Variants in FILIP1L observed in about 807,000 individuals in gnomAD.
FILIP1L encodes the protein filamin A-interacting protein 1-like.
A neutral mutation model predicts 96.6 loss-of-function variants in FILIP1L; 55 were observed. The observed-to-expected ratio is 0.57, with a 90% CI of 0.46 to 0.71. The LOEUF (loss-of-function observed/expected upper bound fraction) is 0.71. Among genes scored for constraint, FILIP1L ranks in the 30% least tolerant of loss-of-function variants. The pLI is 0.00. For synonymous variants in FILIP1L, 467 were observed against 473.9 expected, an observed-to-expected ratio of 0.99 and a Z score of 0.19; for missense variants, 1,304 against 1,321.2, an observed-to-expected ratio of 0.99 and a Z score of 0.20.
chr3:99,954,192 G>T (rs1432643377), intron 1 of FILIP1L, among the ~76,000 whole-genome samples: 1 of 152,226 alleles, frequency 6.6e-6, no homozygotes, highest in Non-Finnish European at 1.5e-5. Context: ...TGAAGATCAG[G>T]AAGCTGAAGT....
intron 1 of FILIP1L, among the ~76,000 whole-genome samples, chr3:99,942,414 T>C (rs1707877021): frequency 6.6e-6 from 1 of 152,228 alleles, no homozygotes; most frequent in Admixed American, 6.5e-5. Context: ...TGAGGATCTC[T>C]GAAGATGGGT....
intron 1 of FILIP1L, among the ~76,000 whole-genome samples, chr3:99,983,494 A>ATATATATATATATATG (rs1709230433): frequency 8.4e-6 from 1 of 119,012 alleles, no homozygotes; most frequent in South Asian, 2.7e-4. Context: ...ATATATATAT[A>ATATATATATATATATG]TATATATATA....
chr3:100,030,269 C>G (rs1302347413), intron 1 of FILIP1L, among the ~76,000 whole-genome samples: 1 of 152,070 alleles, frequency 6.6e-6, no homozygotes, highest in Non-Finnish European at 1.5e-5. Context: ...AGGAAAAGAG[C>G]TGGCTTGGAT....
chr3:100,093,035 G>A (rs1167282791), intron 1 of FILIP1L, among the ~76,000 whole-genome samples: 1 of 151,974 alleles, frequency 6.6e-6, no homozygotes, highest in East Asian at 1.9e-4. Context: ...ATACGTTGAA[G>A]GAGTAGAGGT....
intron 4 of FILIP1L, among the ~76,000 whole-genome samples, chr3:99,879,543 T>C (rs1319748616): frequency 6.6e-6 from 1 of 152,238 alleles, no homozygotes; most frequent in Non-Finnish European, 1.5e-5. Flanking sequence ...CTTTGTTTCT[T>C]CTTTTGACTG....
intron 1 of FILIP1L, among the ~76,000 whole-genome samples, chr3:99,938,421 A>G (rs1325129036): frequency 3.9e-5 from 6 of 152,226 alleles, no homozygotes; most frequent in Admixed American, 3.9e-4. Flanking sequence ...ACTGCATAAC[A>G]CGGAGTGAGT....
chr3:100,105,945 G>A (rs2066387909), intron 1 of FILIP1L, among the ~76,000 whole-genome samples: 1 of 152,204 alleles, frequency 6.6e-6, no homozygotes, highest in East Asian at 1.9e-4. Flanking sequence ...CATCATCTTG[G>A]AAGTCATTCA....
Position 99,930,790 on chromosome 3 carries a change from G to T in FILIP1L, c.231C>A (p.Ser77Arg), listed in dbSNP as rs757665173. The T allele has an allele frequency of 1.9e-6, 3 of 1,613,052 alleles. No homozygotes were observed. The African/African-American group carries it at 4.0e-5, about 22-fold the overall frequency. ...TGACCTGCAGTTCTCCCTCCAGAAT[G>T]CTGAGGAGAAATAACAGGTCATCTC... The part of the protein sequence containing the change: ...LSRDDLLFLL[S>R]ILEGELQARD... Residue 77 changes from serine (S) to arginine (R), a missense_variant, in exon 2 of 6, where the codon AGC becomes AGA. Transcript: ENST00000477258.
intron 1 of FILIP1L, among the ~76,000 whole-genome samples, chr3:99,937,442 T>C (rs987571425): frequency 6.6e-6 from 1 of 152,214 alleles, no homozygotes; most frequent in Non-Finnish European, 1.5e-5. Context: ...TGCTGTCATA[T>C]TGAAGTGGCA....
intron 1 of FILIP1L, chr3:100,011,842 A>G (rs1370183215): frequency 6.6e-6 from 1 of 152,240 alleles, no homozygotes; most frequent in Admixed American, 6.5e-5. Context: ...GGTTTAATAA[A>G]TAGATACTCA....
chr3:100,083,398 A>G (rs2065961098), intron 1 of FILIP1L, among the ~76,000 whole-genome samples: 1 of 152,248 alleles, frequency 6.6e-6, no homozygotes, highest in African/African-American at 2.4e-5. Flanking sequence ...GAAACTTCCT[A>G]GACCCAACCC....
chr3:100,105,883 A>G (rs1426922340), intron 1 of FILIP1L, among the ~76,000 whole-genome samples: 1 of 152,190 alleles, frequency 6.6e-6, no homozygotes, highest in Non-Finnish European at 1.5e-5. Context: ...TTTATCAAAC[A>G]AAAACTTTTT....
intron 5 of FILIP1L, among the ~76,000 whole-genome samples, chr3:99,832,861 G>GTT (rs532780860): frequency 2.2e-5 from 3 of 133,822 alleles, no homozygotes; most frequent in Non-Finnish European, 3.1e-5. Context: ...AAAAAAAGTT[G>GTT]TTTTTTTTTT....
intron 4 of FILIP1L, among the ~76,000 whole-genome samples, chr3:99,914,541 G>A (rs1223341226): frequency 2.0e-5 from 3 of 152,094 alleles, no homozygotes; most frequent in Non-Finnish European, 2.9e-5. Context: ...ATCATATCAT[G>A]TTTAAATTGA....
intron 4 of FILIP1L, among the ~76,000 whole-genome samples, chr3:99,861,854 CA>C (rs976481492): frequency 7.9e-5 from 12 of 152,302 alleles, no homozygotes; most frequent in Admixed American, 7.8e-4. Context: ...CCCGGCTTTC[CA>C]ACTTCTGTCT....
intron 1 of FILIP1L, among the ~76,000 whole-genome samples, chr3:100,059,129 A>T (rs796972717): frequency 1.3e-4 from 20 of 152,388 alleles, no homozygotes; most frequent in Admixed American, 3.9e-4. Context: ...TAAAAGAAAG[A>T]ACAGATTGAC....
chr3:100,086,095 G>A (rs1393634860), intron 1 of FILIP1L, among the ~76,000 whole-genome samples: 1 of 152,186 alleles, frequency 6.6e-6, no homozygotes, highest in Non-Finnish European at 1.5e-5. Flanking sequence ...TAATAAAATA[G>A]CTTTTAATGA....
intron 1 of FILIP1L, among the ~76,000 whole-genome samples, chr3:100,015,179 C>T (rs1710305510): frequency 6.6e-6 from 1 of 151,716 alleles, no homozygotes; most frequent in Non-Finnish European, 1.5e-5. Context: ...TTTTTGGTAC[C>T]TTCGTTGTAG....
intron 2 of FILIP1L, 69 bp from the exon 3 acceptor site, chr3:99,930,098 G>A: frequency 1.5e-6 from 2 of 1,312,940 alleles, no homozygotes; most frequent in South Asian, 3.0e-5. Flanking sequence ...TGATTTTTGT[G>A]ATAGTTGGCA....
Sources: gnomAD v4.1 joint callset for allele counts (sites outside exome capture counted in the v4.1 genomes callset) on GRCh38, gnomAD v4.1.1 for gene constraint, MANE v1.5 for transcripts, NCBI Gene and HGNC (gene_info 2026-07-23, HGNC 2026-07-21) for gene names.